Variants in MYO19 observed in about 807,000 individuals in gnomAD.
MYO19 encodes the protein unconventional myosin-XIX.
Under a neutral mutation model 129.2 loss-of-function variants are expected in MYO19, and 132 were observed. The observed-to-expected ratio is 1.02, with a 90% confidence interval of 0.89 to 1.18. The LOEUF is 1.18. MYO19 is among the 50% of genes most tolerant of loss of function. The pLI, the probability that MYO19 is intolerant of heterozygous loss-of-function variation, is 0.00. For missense variants in MYO19, 1,210 were observed against 1,216.7 expected (o/e 0.99, Z 0.08); for synonymous variants, 531 against 477.2 (o/e 1.11, Z -1.47).
At position 36,495,943 on chromosome 17, in the gene MYO19, A is replaced by G. The variant is rs79600307; in HGVS notation, c.*308T>C. On this transcript the variant is annotated 3_prime_UTR_variant, in exon 26 of 26. Coordinates refer to ENST00000614623, the MANE Select transcript of MYO19 (RefSeq NM_001163735.2). ...GTGCTTATGTGGAATTGGGATCCCC[A>G]GTGTAGTGACAGACAGTCATGACTG... 176 of 1,014,738 alleles carry G rather than the reference A, an allele frequency of 1.7e-4. No homozygotes were observed. The African/African-American group carries it at 2.7e-3, about 15-fold the overall frequency. The allele number at this position is 1,014,738 out of a possible 1,614,324, so 62.9% of individuals were successfully genotyped here. A position where few individuals can be genotyped will look rare whatever the true frequency, so the allele number is the denominator to read the frequency against.
upstream of MYO19, chr17:36,538,946 G>T (rs1299727442): frequency 1.0e-5 from 2 of 194,986 alleles, no homozygotes; most frequent in African/African-American, 4.7e-5. Flanking sequence ...TAGAGATGGG[G>T]TTTTGCCATA....
At position 36,521,772 on chromosome 17, in the gene MYO19, C is replaced by T. The variant is rs1293098724; in HGVS notation, c.414+3456G>A. Among the ~76,000 whole-genome samples the T allele has an allele frequency of 3.3e-5, 5 of 152,038 alleles. No individual in the cohort carries two copies. In the East Asian group the frequency reaches 7.7e-4, roughly 23 times the overall value. ...CCTCGGCCAGGCACAGTGGCTCATA[C>T]CTGTAATCCCAGCACTTTGGGAGGC... On this transcript the variant is annotated intron_variant, in intron 6 of 25. Transcript: ENST00000614623.
upstream of MYO19, among the ~76,000 whole-genome samples, chr17:36,544,602 C>T (rs762664225): frequency 1.3e-5 from 2 of 152,230 alleles, no homozygotes; most frequent in Admixed American, 6.5e-5. Context: ...TTCCCCTCTA[C>T]ATAGACGACA....
upstream of MYO19, among the ~76,000 whole-genome samples, chr17:36,539,704 C>T (rs373013213): frequency 7.4e-4 from 113 of 152,244 alleles, 1 homozygote; most frequent in Middle Eastern, 6.8e-3. Context: ...ATCTTTTAGC[C>T]TACCCTATGC....
At chr17:36,535,849 C>T (rs949229207), upstream of MYO19, among the ~76,000 whole-genome samples, 11 of 151,386 alleles carry the variant, frequency 7.3e-5, no homozygotes, top group African/African-American at 2.7e-4. Flanking sequence ...TCACTCCTGG[C>T]CTTAAGCGAT....
chr17:36,506,549 C>G lies in MYO19; in HGVS notation c.1704G>C (p.Met568Ile). ...LLQQSQDPLL[M>I]GLFPTNPKEK... is the part of the protein sequence containing the mutation. The stretch of plus-strand genomic sequence containing the variant: ...CTTTGGGGTTAGTAGGAAACAGCCC[C>G]ATGAGCAGGGGGTCCTGGGATTGCT... The change falls in exon 18 of 26, where the codon ATG (methionine) becomes ATC (isoleucine). Residue 568 changes from methionine to isoleucine, a missense_variant. Coordinates refer to ENST00000614623, the MANE Select transcript of MYO19 (RefSeq NM_001163735.2). The G allele has an allele frequency of 6.3e-7, 1 of 1,587,550 alleles. No homozygotes were observed. Among genetic ancestry groups the G allele is most frequent in the East Asian group, 2.2e-5 (1 of 44,520 alleles).
Position 36,527,587 on chromosome 17 carries a change from C to G in MYO19, c.264G>C (p.Glu88Asp). 6.2e-7 allele frequency: 1 copy of G among 1,613,976 alleles called. No homozygotes were observed. The highest frequency in any genetic ancestry group is 8.5e-7 in the Non-Finnish European group (1 of 1,179,878). Residue 88 changes from glutamate (E) to aspartate (D), a missense_variant, in exon 5 of 26, where the codon GAG becomes GAC. By Grantham distance (45) the Glu-to-Asp change is conservative (BLOSUM62 2). Coordinates refer to ENST00000614623, the MANE Select transcript of MYO19 (RefSeq NM_001163735.2). The part of the protein sequence containing the change: ...FKPVPQLYSP[E>D]LMREYHAAPQ... The stretch of plus-strand genomic sequence containing the variant: ...GCGCAGCATGGTACTCTCTCATTAG[C>G]TCGGGCGAGTAGAGCTGAGGAACAG...
intron 2 of MYO19, 74 bp downstream of exon 2, chr17:36,533,879 T>C (rs1031559660): frequency 1.3e-5 from 2 of 152,260 alleles, no homozygotes; most frequent in African/African-American, 4.8e-5. Flanking sequence ...CCTCACTCTG[T>C]TTCCTCGTTT....
rs1219698336 is a variant in MYO19 at position 36,521,531 on chromosome 17, G to A, written c.414+3697C>T. ...AGAAGTTCCAGAAGGAGAAAACAGG[G>A]GAGGAAATTATTAGATATAACACAA... On this transcript the variant is annotated intron_variant, in intron 6 of 25. Transcript: ENST00000614623. Among the ~76,000 whole-genome samples the A allele has an allele frequency of 3.3e-5, 5 of 152,146 alleles. 1 individual carries two copies. The highest frequency in any genetic ancestry group is 2.6e-4 in the Admixed American group (4 of 15,276).
chr17:36,496,071 TG>T lies in MYO19; in HGVS notation c.*179del. The T allele has an allele frequency of 1.1e-6, 1 of 910,430 alleles. No homozygotes were observed. Among genetic ancestry groups the T allele is most frequent in the Non-Finnish European group, 1.6e-6 (1 of 612,252 alleles). 56.4% of individuals were successfully genotyped at this position (910,430 alleles called of 1,614,324 possible). A position where few individuals can be genotyped will look rare whatever the true frequency, so the allele number is the denominator to read the frequency against. ...GACACCATCAGTGCTTGATGTAGCC[TG>T]GAACCCCAGGCCCACTGACGCACTG... On this transcript the variant is annotated 3_prime_UTR_variant, in exon 26 of 26. Transcript: ENST00000614623.
intron 3 of MYO19, 44 bp from the exon 4 acceptor site, chr17:36,528,246 T>C (rs754368511): frequency 5.2e-6 from 8 of 1,541,834 alleles, no homozygotes; most frequent in South Asian, 3.6e-5. Flanking sequence ...CAGTGGCTCA[T>C]GCCTATAATC....
intron 11 of MYO19, among the ~76,000 whole-genome samples, chr17:36,511,998 G>GC (rs2072363601): frequency 6.6e-6 from 1 of 152,214 alleles, no homozygotes; most frequent in Non-Finnish European, 1.5e-5. Flanking sequence ...ACACCGACAA[G>GC]CCCCCTGGGG....
At chr17:36,496,735 T>G (rs941580831) in intron 25 of MYO19, among the ~76,000 whole-genome samples, 1 of 152,198 alleles carries the variant, frequency 6.6e-6, no homozygotes, top group Non-Finnish European at 1.5e-5. Flanking sequence ...TTCCTCTGAA[T>G]GGAAATTTGG....
At chr17:36,537,638 A>G (rs747729830), upstream of MYO19, 3 of 1,614,122 alleles carry the variant, frequency 1.9e-6, no homozygotes, top group Admixed American at 5.0e-5. Context: ...TTGGGTCTGC[A>G]ATGGTTTGTC....
chr17:36,538,050 A>G, upstream of MYO19: 2 of 1,614,176 alleles, frequency 1.2e-6, no homozygotes, highest in South Asian at 1.1e-5. Context: ...GGCAATACAC[A>G]TGGCTGGTGT....
intron 24 of MYO19, 39 bp downstream of exon 24, chr17:36,499,036 T>G: frequency 6.6e-7 from 1 of 1,520,634 alleles, no homozygotes; most frequent in South Asian, 1.2e-5. Context: ...TCCCCAAAAT[T>G]GATCCACTGC....
At chr17:36,512,872 AC>A (rs1383316623) in intron 11 of MYO19, 2 of 1,173,160 alleles carry the variant, frequency 1.7e-6, no homozygotes, top group Non-Finnish European at 2.2e-6. Context: ...AGCCCAGCTC[AC>A]CTGGGGCAGT....
upstream of MYO19, chr17:36,537,748 G>A (rs764219730): frequency 1.3e-5 from 21 of 1,614,096 alleles, no homozygotes; most frequent in Admixed American, 5.0e-5. Context: ...GGAATCGGAC[G>A]ATTAGCCATT....
chr17:36,530,577 C>T (rs1192758357), intron 3 of MYO19, among the ~76,000 whole-genome samples: 3 of 151,056 alleles, frequency 2.0e-5, no homozygotes, highest in Non-Finnish European at 2.9e-5. Flanking sequence ...CTGCCTCAGC[C>T]TCCTGTGTAG....
Sources: gnomAD v4.1 joint callset for allele counts (sites outside exome capture counted in the v4.1 genomes callset) on GRCh38, gnomAD v4.1.1 for gene constraint, MANE v1.5 for transcripts, NCBI Gene and HGNC (gene_info 2026-07-23, HGNC 2026-07-21) for gene names.